UBE2G1: variants seen among roughly 807,000 people sequenced by gnomAD.
The protein encoded by UBE2G1 is ubiquitin-conjugating enzyme E2 G1.
A neutral mutation model predicts 22.7 loss-of-function variants in UBE2G1; 5 were observed. The ratio of observed to expected loss-of-function variants is 0.22; its 90% CI spans 0.12 to 0.46. The LOEUF is 0.46. Among genes scored for constraint, UBE2G1 ranks in the 20% least tolerant of loss-of-function variants. UBE2G1 has a pLI of 0.99. For synonymous variants in UBE2G1, 74 were observed against 67.5 expected (o/e 1.10, Z -0.47); for missense variants, 88 against 203.9 (o/e 0.43, Z 3.46).
Position 4,289,743 on chromosome 17 carries a change from GTTC to G in UBE2G1, c.248-338_248-336del, listed in dbSNP as rs539829258. Among the ~76,000 whole-genome samples, 33 of 152,296 alleles carry G rather than the reference GTTC, an allele frequency of 2.2e-4. No homozygotes were observed. In the South Asian group the frequency reaches 6.0e-3, roughly 28 times the overall value. On this transcript the variant is annotated intron_variant, in intron 3 of 5. Transcript: ENST00000396981. Reference sequence around the variant, plus strand: ...TGAATAAATAGCAACTATTGGATGTGTTCTTCATTTGCAGAAAGCATATTTTTC... The same window carrying G: ...TGAATAAATAGCAACTATTGGATGTGTTCATTTGCAGAAAGCATATTTTTC...
chr17:4,365,444 GGGGGAGGGGGGCCGCAGGCTCCTC>G (rs1398442108), intron 1 of UBE2G1, among the ~76,000 whole-genome samples: 3 of 152,340 alleles, frequency 2.0e-5, no homozygotes, highest in South Asian at 2.1e-4. Flanking sequence ...CCGGGACAAT[GGGGGAGGGGGGCCGCAGGCTCCTC>G]GGGGAGGCCG....
intron 1 of UBE2G1, among the ~76,000 whole-genome samples, chr17:4,315,466 C>T (rs1314623298): frequency 1.3e-5 from 2 of 152,078 alleles, no homozygotes; most frequent in Non-Finnish European, 2.9e-5. Context: ...TTTGGCCGGG[C>T]GCTGTGGCTC....
intron 1 of UBE2G1, among the ~76,000 whole-genome samples, chr17:4,362,929 C>T (rs1185941686): frequency 6.6e-6 from 1 of 152,046 alleles, no homozygotes; most frequent in Non-Finnish European, 1.5e-5. Flanking sequence ...TCGAGACCAG[C>T]CTGGCCAACA....
At chr17:4,321,453 C>CT (rs1028525038) in intron 1 of UBE2G1, among the ~76,000 whole-genome samples, 2 of 151,820 alleles carry the variant, frequency 1.3e-5, no homozygotes. Context: ...GAGTGATTCT[C>CT]TTTTTTCTGA....
At chr17:4,306,910 A>T in intron 2 of UBE2G1, 111 bp downstream of exon 2, 1 of 932,828 alleles carries the variant, frequency 1.1e-6, no homozygotes, top group Non-Finnish European at 1.6e-6. Context: ...TTGGCCTCCC[A>T]AAGTGCTGGG....
chr17:4,311,557 C>T (rs1304210708), intron 1 of UBE2G1, among the ~76,000 whole-genome samples: 1 of 152,130 alleles, frequency 6.6e-6, no homozygotes, highest in Admixed American at 6.5e-5. Context: ...TGTTATATGA[C>T]TTATTCTATA....
chr17:4,304,434 T>C (rs1341821803), intron 2 of UBE2G1, among the ~76,000 whole-genome samples: 2 of 152,202 alleles, frequency 1.3e-5, no homozygotes, highest in East Asian at 1.9e-4. Context: ...GTACATTTCA[T>C]AGAAAGGCCT....
Position 4,366,387 on chromosome 17 carries a change from G to C in UBE2G1, c.-71C>G. The C allele has an allele frequency of 7.2e-7, 1 of 1,392,968 alleles. No homozygotes were observed. Among genetic ancestry groups the C allele is most frequent in the Admixed American group, 3.1e-5 (1 of 32,158 alleles). The allele number at this position is 1,392,968 out of a possible 1,614,324, so 86.3% of individuals were successfully genotyped here. On this transcript the variant is annotated 5_prime_UTR_variant, in exon 1 of 6. Coordinates refer to ENST00000396981, the MANE Select transcript of UBE2G1 (RefSeq NM_003342.5). ...TGGGGACAGGCTCTGGGGGCGGCTG[G>C]AGCGGGGTGTGCCGAGGAACCCGGG...
chr17:4,284,689 C>T (rs1256643216), intron 4 of UBE2G1, among the ~76,000 whole-genome samples: 1 of 151,896 alleles, frequency 6.6e-6, no homozygotes, highest in African/African-American at 2.4e-5. Context: ...ATTTAAAAGA[C>T]ACCTCTTCCT....
At chr17:4,310,310 TA>T (rs1221062038) in intron 1 of UBE2G1, among the ~76,000 whole-genome samples, 2 of 151,820 alleles carry the variant, frequency 1.3e-5, no homozygotes, top group African/African-American at 4.8e-5. Context: ...CCCAGAGAAG[TA>T]AACAGGCAAT....
In UBE2G1 at chr17:4,275,238, C is replaced by A. The variant is rs1024008687; in HGVS notation, c.*38-2722G>T. On this transcript the variant is annotated intron_variant, in intron 5 of 5. Coordinates refer to ENST00000396981, the MANE Select transcript of UBE2G1 (RefSeq NM_003342.5). ...CTTTTAATAAAAGTTATACTAAATT[C>A]TAAATAGAGACAAGGCCTCAGTACA... 3.9e-5 allele frequency among the ~76,000 whole-genome samples: 6 copies of A among 152,272 alleles called. No individual in the cohort carries two copies. The East Asian group carries it at 1.2e-3, about 29-fold the overall frequency.
chr17:4,334,734 T>TCA (rs1969624339), intron 1 of UBE2G1, among the ~76,000 whole-genome samples: 1 of 152,114 alleles, frequency 6.6e-6, no homozygotes, highest in Non-Finnish European at 1.5e-5. Context: ...GAGACAGCTT[T>TCA]CACCATGTTG....
intron 1 of UBE2G1, among the ~76,000 whole-genome samples, chr17:4,363,026 G>A (rs1019531745): frequency 6.6e-6 from 1 of 152,142 alleles, no homozygotes; most frequent in Non-Finnish European, 1.5e-5. Context: ...TGAGGCCGAG[G>A]CAGGAGAATC....
chr17:4,312,695 C>CAAAAAA (rs58462791), intron 1 of UBE2G1, among the ~76,000 whole-genome samples: 39 of 76,818 alleles, frequency 5.1e-4, no homozygotes, highest in Non-Finnish European at 6.5e-4. Flanking sequence ...GACTCCATCT[C>CAAAAAA]AAAAAAAAAA....
At chr17:4,351,386 ACCCT>A (rs1969843299) in intron 1 of UBE2G1, among the ~76,000 whole-genome samples, 2 of 152,108 alleles carry the variant, frequency 1.3e-5, no homozygotes, top group South Asian at 4.2e-4. Flanking sequence ...GCAACACAAT[ACCCT>A]CGTCTGTGCC....
intron 1 of UBE2G1, among the ~76,000 whole-genome samples, chr17:4,342,931 GTTC>G (rs1282464267): frequency 6.6e-6 from 1 of 152,054 alleles, no homozygotes; most frequent in African/African-American, 2.4e-5. Context: ...CCCCTGTACT[GTTC>G]TTCTCTTGGC....
chr17:4,286,420 AAG>A (rs1299780676), intron 4 of UBE2G1, among the ~76,000 whole-genome samples: 4 of 151,970 alleles, frequency 2.6e-5, no homozygotes, highest in Non-Finnish European at 5.9e-5. Context: ...AAAAAAAAAA[AAG>A]AATGGTAAAC....
intron 4 of UBE2G1, among the ~76,000 whole-genome samples, 197 bp downstream of exon 4, chr17:4,289,033 G>C (rs1969003174): frequency 4.0e-5 from 6 of 151,086 alleles, no homozygotes; most frequent in African/African-American, 1.5e-4. Context: ...GAGAGACCCT[G>C]TCTCAAAAAA....
intron 1 of UBE2G1, among the ~76,000 whole-genome samples, chr17:4,310,745 T>TA (rs938218071): frequency 1.3e-5 from 2 of 152,308 alleles, no homozygotes; most frequent in African/African-American, 4.8e-5. Flanking sequence ...GAAGATTGTT[T>TA]AAAAAGGCAT....
Sources: gnomAD v4.1 joint callset for allele counts (sites outside exome capture counted in the v4.1 genomes callset) on GRCh38, gnomAD v4.1.1 for gene constraint, MANE v1.5 for transcripts, NCBI Gene and HGNC (gene_info 2026-07-23, HGNC 2026-07-21) for gene names.